The following ST18 variants were observed in gnomAD, a reference collection of about 807,000 sequenced individuals.
The protein encoded by ST18 is suppression of tumorigenicity 18 protein.
In ST18, 50 loss-of-function variants were observed where a neutral mutation model predicts 110.0. The ratio of observed to expected loss-of-function variants is 0.45; its 90% CI spans 0.36 to 0.58. ST18 has a LOEUF of 0.58. ST18 is among the 20% of genes least tolerant of loss of function. The pLI, the probability that ST18 is intolerant of heterozygous loss-of-function variation, is 0.00. For synonymous variants in ST18, 461 were observed against 452.4 expected (o/e 1.02, Z -0.24); for missense variants, 1,306 against 1,280.1 (o/e 1.02, Z -0.31).
intron 2 of ST18, among the ~76,000 whole-genome samples, chr8:52,365,224 G>GCTTT (rs59083208): frequency 0.98 from 149,819 of 152,252 alleles, 73,760 homozygotes; most frequent in Middle Eastern, 1. Context: ...TTTACAAAAT[G>GCTTT]CTGTGATCTG....
rs1372005372 is a variant in ST18, at chr8:52,245,980, T to TATAG, written c.-464-15907_-464-15904dup. Among the ~76,000 whole-genome samples, 7 of 152,142 alleles carry TATAG rather than the reference T, an allele frequency of 4.6e-5. 1 individual carries two copies. The highest frequency in any genetic ancestry group is 2.6e-4 in the Admixed American group (4 of 15,274). The stretch of plus-strand genomic sequence containing the variant: ...ATTCTTTCAAGTTACAACTTAAATG[T>TATAG]ATAGATCAAACCCTAACAGAACAAA... On this transcript the variant is annotated intron_variant, in intron 2 of 25. Transcript: ENST00000689386.
chr8:52,221,374 G>A (rs2136376294), intron 4 of ST18, among the ~76,000 whole-genome samples: 1 of 152,232 alleles, frequency 6.6e-6, no homozygotes, highest in Admixed American at 6.5e-5. Flanking sequence ...AATGTTTTAA[G>A]TTGTCGTCCA....
intron 2 of ST18, among the ~76,000 whole-genome samples, chr8:52,301,372 A>G (rs2095718762): frequency 6.6e-6 from 1 of 152,218 alleles, no homozygotes; most frequent in African/African-American, 2.4e-5. Context: ...ATGTGCTATA[A>G]ACAAGTACTA....
intron 8 of ST18, chr8:52,210,229 C>A: frequency 2.4e-6 from 1 of 415,724 alleles, no homozygotes; most frequent in Non-Finnish European, 4.8e-6. Context: ...TAAATAAAGC[C>A]TCCAGAAATA....
chr8:52,291,059 C>T (rs971570318), intron 2 of ST18, among the ~76,000 whole-genome samples: 3 of 152,186 alleles, frequency 2.0e-5, no homozygotes, highest in Non-Finnish European at 4.4e-5. Flanking sequence ...ATCAGGGCGC[C>T]CCATTGAGTT....
chr8:52,282,528 G>A (rs10958312), intron 2 of ST18, among the ~76,000 whole-genome samples: 1 of 151,870 alleles, frequency 6.6e-6, no homozygotes, highest in Non-Finnish European at 1.5e-5. Context: ...CCCCACCAGG[G>A]GTGAGGAAGC....
chr8:52,224,446 T>C (rs1215415304), intron 3 of ST18, among the ~76,000 whole-genome samples: 2 of 152,234 alleles, frequency 1.3e-5, no homozygotes, highest in South Asian at 2.1e-4. Context: ...GCATATACTT[T>C]GTTGGCTGGA....
intron 13 of ST18, among the ~76,000 whole-genome samples, chr8:52,162,750 G>C (rs1330399615): frequency 1.3e-5 from 2 of 152,156 alleles, no homozygotes; most frequent in African/African-American, 4.8e-5. Flanking sequence ...ATGATTTTCT[G>C]CTGTGGTGTA....
intron 2 of ST18, among the ~76,000 whole-genome samples, chr8:52,372,079 G>A (rs528776989): frequency 4.7e-4 from 71 of 152,260 alleles, no homozygotes; most frequent in African/African-American, 1.6e-3. Context: ...ACAGCTCCTC[G>A]TATGTTGTTG....
At chr8:52,202,729 G>C (rs1376264535) in intron 8 of ST18, among the ~76,000 whole-genome samples, 1 of 152,170 alleles carries the variant, frequency 6.6e-6, no homozygotes, top group Non-Finnish European at 1.5e-5. Context: ...ATTATGCCAG[G>C]CATGGCCTAG....
chr8:52,229,266 A>T (rs143947620), intron 3 of ST18, among the ~76,000 whole-genome samples: 2 of 152,342 alleles, frequency 1.3e-5, no homozygotes, highest in East Asian at 3.9e-4. Context: ...AAAAAGGCAC[A>T]AAGGTCTTAC....
intron 2 of ST18, among the ~76,000 whole-genome samples, chr8:52,398,240 G>C (rs1234827015): frequency 1.3e-5 from 2 of 152,018 alleles, no homozygotes; most frequent in African/African-American, 2.4e-5. Flanking sequence ...TTTATGTATT[G>C]AAATGTAACT....
intron 2 of ST18, among the ~76,000 whole-genome samples, chr8:52,236,381 G>A (rs1006326408): frequency 2.0e-5 from 3 of 152,104 alleles, no homozygotes; most frequent in Non-Finnish European, 2.9e-5. Flanking sequence ...AGGCCAAAGC[G>A]GGTGGATCAC....
intron 2 of ST18, among the ~76,000 whole-genome samples, chr8:52,342,287 A>C (rs548096035): frequency 9.7e-4 from 148 of 152,174 alleles, no homozygotes; most frequent in African/African-American, 3.5e-3. Context: ...AATCATATTC[A>C]TGGGAGGAAT....
At chr8:52,348,411 C>T (rs905288439) in intron 2 of ST18, among the ~76,000 whole-genome samples, 3 of 152,112 alleles carry the variant, frequency 2.0e-5, no homozygotes, top group Admixed American at 6.5e-5. Flanking sequence ...CCACCACTGT[C>T]CTGTCTTCTT....
intron 2 of ST18, among the ~76,000 whole-genome samples, chr8:52,310,023 A>G (rs2095877935): frequency 6.6e-6 from 1 of 152,218 alleles, no homozygotes; most frequent in Non-Finnish European, 1.5e-5. Flanking sequence ...TGCATCCTGA[A>G]TTCAGAGGCC....
At chr8:52,405,424 G>A (rs1844137513) in intron 2 of ST18, 1 of 152,222 alleles carries the variant, frequency 6.6e-6, no homozygotes, top group South Asian at 2.1e-4. Flanking sequence ...AAGCCAGTGA[G>A]ATGACTCATG....
At chr8:52,327,350 C>T (rs1806980608) in intron 2 of ST18, among the ~76,000 whole-genome samples, 1 of 152,202 alleles carries the variant, frequency 6.6e-6, no homozygotes, top group Admixed American at 6.5e-5. Context: ...GTCAGCCCTG[C>T]TCTTTCTTGA....
intron 17 of ST18, among the ~76,000 whole-genome samples, chr8:52,141,249 T>C (rs529625700): frequency 6.6e-6 from 1 of 152,196 alleles, no homozygotes; most frequent in Non-Finnish European, 1.5e-5. Context: ...CTCGGAATAA[T>C]TTTTACTGAA....
Sources: allele counts gnomAD v4.1 joint callset (sites outside exome capture counted in the v4.1 genomes callset), GRCh38; gene constraint gnomAD v4.1.1; transcripts MANE v1.5; gene names NCBI Gene and HGNC (gene_info 2026-07-23, HGNC 2026-07-21).